The following PDZRN3 variants were observed in gnomAD, a reference collection of about 807,000 sequenced individuals.
PDZRN3 encodes E3 ubiquitin-protein ligase PDZRN3.
In PDZRN3, 38 loss-of-function variants were observed where a neutral mutation model predicts 85.7. The ratio of observed to expected loss-of-function variants is 0.44; its 90% CI spans 0.34 to 0.58. The LOEUF is 0.58. PDZRN3 is among the 20% of genes least tolerant of loss of function. The pLI is 0.01. For synonymous variants in PDZRN3, 759 were observed against 638.0 expected, an observed-to-expected ratio of 1.19 and a Z score of -2.86; for missense variants, 1,629 against 1,506.4, an observed-to-expected ratio of 1.08 and a Z score of -1.35.
At chr3:73,528,478 AAG>A (rs1376666131) in intron 3 of PDZRN3, among the ~76,000 whole-genome samples, 4 of 152,182 alleles carry the variant, frequency 2.6e-5, no homozygotes, top group Admixed American at 2.6e-4. Context: ...GTTTTAGCCC[AAG>A]AGAGAGTCTT....
intron 4 of PDZRN3, among the ~76,000 whole-genome samples, chr3:73,402,238 A>G (rs775542168): frequency 3.3e-5 from 5 of 152,220 alleles, no homozygotes; most frequent in African/African-American, 1.2e-4. Flanking sequence ...TTTAGCTTCT[A>G]AAAGGCCCAT....
chr3:73,423,273 A>G (rs1473180573), intron 3 of PDZRN3, among the ~76,000 whole-genome samples: 1 of 152,216 alleles, frequency 6.6e-6, no homozygotes, highest in Non-Finnish European at 1.5e-5. Flanking sequence ...TTACTTTATT[A>G]AAGTGCATGT....
intron 3 of PDZRN3, among the ~76,000 whole-genome samples, chr3:73,429,099 T>A (rs1275326277): frequency 6.6e-6 from 1 of 152,056 alleles, no homozygotes; most frequent in Non-Finnish European, 1.5e-5. Flanking sequence ...TTTGTAGCGA[T>A]GGGATCTCAT....
rs367581488 is a variant in PDZRN3 at position 73,491,592 on chromosome 3, C to CTTTTTTTTTTTTTTTT, written c.919-87198_919-87197insAAAAAAAAAAAAAAAA. Among the ~76,000 whole-genome samples, 4 of 117,510 alleles carry CTTTTTTTTTTTTTTTT rather than the reference C, an allele frequency of 3.4e-5. 2 individuals carry two copies. Among genetic ancestry groups the CTTTTTTTTTTTTTTTT allele is most frequent in the African/African-American group, 6.2e-5 (2 of 32,400 alleles). The allele number at this position is 117,510 out of a possible 152,430, so 77.1% of individuals were successfully genotyped here. A position where few individuals can be genotyped will look rare whatever the true frequency, so the allele number is the denominator to read the frequency against. ...AAAGAAAAACCTTGTGTGGAAGGTT[C>CTTTTTTTTTTTTTTTT]CTTTTTTTTTTTTAAGAAGCAGGGT... On this transcript the variant is annotated intron_variant, in intron 3 of 9. Coordinates refer to ENST00000263666, the MANE Select transcript of PDZRN3 (RefSeq NM_015009.3).
chr3:73,522,673 A>C (rs1439980211), intron 3 of PDZRN3, among the ~76,000 whole-genome samples: 1 of 152,230 alleles, frequency 6.6e-6, no homozygotes, highest in East Asian at 1.9e-4. Context: ...TTCACTTTAC[A>C]GAAGATTTGC....
chr3:73,584,384 C>T (rs1264574240), intron 3 of PDZRN3, among the ~76,000 whole-genome samples: 5 of 151,498 alleles, frequency 3.3e-5, no homozygotes, highest in African/African-American at 1.2e-4. Context: ...AACTTGAGTG[C>T]TAAAAACAAG....
intron 3 of PDZRN3, among the ~76,000 whole-genome samples, chr3:73,464,310 C>T (rs1294535810): frequency 6.6e-6 from 1 of 152,088 alleles, no homozygotes; most frequent in Non-Finnish European, 1.5e-5. Context: ...TGGGTAATTC[C>T]TAGATACTTC....
chr3:73,529,213 G>A (rs1460062995), intron 3 of PDZRN3, among the ~76,000 whole-genome samples: 1 of 152,224 alleles, frequency 6.6e-6, no homozygotes, highest in East Asian at 1.9e-4. Context: ...CACGGACTAA[G>A]AAATCTCAAG....
intron 3 of PDZRN3, among the ~76,000 whole-genome samples, chr3:73,421,854 G>T (rs1488138997): frequency 1.3e-5 from 2 of 152,034 alleles, no homozygotes; most frequent in Non-Finnish European, 2.9e-5. Context: ...TCACCATGTT[G>T]GCCAGGATGG....
In PDZRN3 at chr3:73,624,107, CCGCCGGGCGGCGCGG is replaced by C. The variant is rs902725639; in HGVS notation, c.704_718del (p.Ala235_Gly239del). The stretch of plus-strand genomic sequence containing the variant: ...GGGCGGGCAGCAGGCGCCTACCTTG[CCGCCGGGCGGCGCGG>C]CCACGCAGCGGCTGAGCGAGTCGAG... On this transcript the variant is annotated inframe_deletion, in exon 1 of 10. Transcript: ENST00000263666. 24 of 1,456,240 alleles carry C rather than the reference CCGCCGGGCGGCGCGG, an allele frequency of 1.6e-5. No homozygotes were observed. Among genetic ancestry groups the C allele is most frequent in the East Asian group, 1.5e-4 (5 of 33,688 alleles). 90.2% of individuals were successfully genotyped at this position (1,456,240 alleles called of 1,614,324 possible).
intron 5 of PDZRN3, among the ~76,000 whole-genome samples, chr3:73,392,794 T>C (rs1475577080): frequency 1.3e-5 from 2 of 152,214 alleles, no homozygotes; most frequent in Non-Finnish European, 2.9e-5. Flanking sequence ...TCTTATTAAA[T>C]GAAACCCCAT....
intron 1 of PDZRN3, among the ~76,000 whole-genome samples, chr3:73,616,304 C>T (rs957132088): frequency 2.3e-5 from 3 of 133,074 alleles, no homozygotes; most frequent in African/African-American, 5.8e-5. Flanking sequence ...TTCTTCATGT[C>T]AACACAAATA....
At chr3:73,499,473 C>T (rs550164032) in intron 3 of PDZRN3, among the ~76,000 whole-genome samples, 33 of 152,280 alleles carry the variant, frequency 2.2e-4, no homozygotes, top group African/African-American at 7.7e-4. Flanking sequence ...AGTCCTTACA[C>T]CAACTCACCA....
chr3:73,476,470 C>T (rs1703450815), intron 3 of PDZRN3, among the ~76,000 whole-genome samples: 1 of 152,160 alleles, frequency 6.6e-6, no homozygotes, highest in Non-Finnish European at 1.5e-5. Context: ...GACCCCCCTT[C>T]AACATTGGGG....
chr3:73,624,382 T>C lies in PDZRN3; in HGVS notation c.444A>G (p.Leu148=), dbSNP rs6803430. 0.018 allele frequency: 23,435 copies of C among 1,314,430 alleles called. 1,301 individuals carry two copies. In the African/African-American group the frequency reaches 0.2, roughly 11 times the overall value. The allele number at this position is 1,314,430 out of a possible 1,614,324, so 81.4% of individuals were successfully genotyped here. A position where few individuals can be genotyped will look rare whatever the true frequency, so the allele number is the denominator to read the frequency against. The change falls in exon 1 of 10, where the codon CTA becomes CTG. Residue 148 remains leucine, a synonymous_variant. Transcript: ENST00000263666. ...PVGRCQEGCG[L]PLTHGEQRAG... is the part of the protein sequence containing the mutation. ...CGCGCTGCTCGCCGTGCGTCAAGGG[T>C]AGCCCGCAGCCCTCCTGGCAGCGGC... is the stretch of plus-strand genomic sequence containing the variant.
intron 3 of PDZRN3, among the ~76,000 whole-genome samples, chr3:73,531,110 G>C (rs930682394): frequency 2.0e-5 from 3 of 152,058 alleles, no homozygotes; most frequent in Admixed American, 6.5e-5. Flanking sequence ...AATTAGCCAG[G>C]CATGGTGGCA....
intron 3 of PDZRN3, among the ~76,000 whole-genome samples, chr3:73,572,184 T>C (rs1431807393): frequency 1.3e-5 from 2 of 152,222 alleles, no homozygotes; most frequent in African/African-American, 2.4e-5. Flanking sequence ...AATAAACCAT[T>C]AAATCCATTT....
intron 3 of PDZRN3, among the ~76,000 whole-genome samples, chr3:73,600,337 A>ACACACACACACACTCTCTCTCTCT (rs34405662): frequency 2.0e-5 from 2 of 100,052 alleles, no homozygotes; most frequent in African/African-American, 8.6e-5. Flanking sequence ...ACACACACAC[A>ACACACACACACACTCTCTCTCTCT]CTCTCTCTCT....
chr3:73,449,735 C>A (rs1314487420), intron 3 of PDZRN3, among the ~76,000 whole-genome samples: 3 of 152,196 alleles, frequency 2.0e-5, no homozygotes, highest in African/African-American at 7.2e-5. Context: ...TTCAGTTAAA[C>A]TGTAATAAGT....
Sources: gnomAD v4.1 joint callset for allele counts (sites outside exome capture counted in the v4.1 genomes callset) on GRCh38, gnomAD v4.1.1 for gene constraint, MANE v1.5 for transcripts, NCBI Gene and HGNC (gene_info 2026-07-23, HGNC 2026-07-21) for gene names.